CYREN: variants seen among roughly 807,000 people sequenced by gnomAD.
The protein encoded by CYREN is cell cycle regulator of NHEJ.
A neutral mutation model predicts 9.7 loss-of-function variants in CYREN; 7 were observed. The ratio of observed to expected loss-of-function variants is 0.72; its 90% CI spans 0.41 to 1.36. The LOEUF (loss-of-function observed/expected upper bound fraction) is 1.36, where lower values mean the gene tolerates loss of function less well. Among genes scored for constraint, CYREN ranks in the 40% most tolerant of loss-of-function variants. The pLI is 0.01. For synonymous variants in CYREN, 76 were observed against 77.9 expected, an observed-to-expected ratio of 0.98 and a Z score of 0.13; for missense variants, 215 against 198.1, an observed-to-expected ratio of 1.09 and a Z score of -0.51.
At chr7:135,164,575 T>C (rs1830035999), downstream of CYREN, 1 of 1,614,206 alleles carries the variant, frequency 6.2e-7, no homozygotes, top group Non-Finnish European at 8.5e-7. Context: ...CTGCCCAACC[T>C]GAGAATCGGC....
intron 2 of CYREN, among the ~76,000 whole-genome samples, chr7:135,153,347 G>A (rs6978240): frequency 0.48 from 73,389 of 151,336 alleles, 18,162 homozygotes; most frequent in South Asian, 0.66. Flanking sequence ...CTAGCTACTC[G>A]GGAGGCTGAG....
downstream of CYREN, among the ~76,000 whole-genome samples, chr7:135,162,875 G>A (rs112211428): frequency 6.3e-4 from 96 of 152,330 alleles, 4 homozygotes; most frequent in African/African-American, 1.9e-3. Flanking sequence ...AAAACGGAGT[G>A]AAAAGAATTT....
Position 135,167,775 on chromosome 7 carries a change from T to G in CYREN, c.170A>C (p.Asn57Thr), listed in dbSNP as rs1830285339. The change falls in exon 3 of 4, where the codon AAT becomes ACT. Residue 57 changes from asparagine (N) to threonine (T), a missense_variant. Transcript: ENST00000393114. ...AGCAACATCAACTATCTCAGCCTCA[T>G]TCATGCAGTACACAGTCCTTGTCGC... ...LPATRTVYCM[N>T]EAEIVDVALG... is the part of the protein sequence containing the mutation. 6.2e-7 allele frequency: 1 copy of G among 1,614,078 alleles called. No homozygotes were observed.
At chr7:135,093,361 A>C (rs916495886) in exon 3 of CYREN, 18 of 152,124 alleles carry the variant, frequency 1.2e-4, no homozygotes, top group African/African-American at 4.3e-4. Flanking sequence ...TGCAGGATAA[A>C]AGATCAATAG....
intron 2 of CYREN, among the ~76,000 whole-genome samples, chr7:135,106,397 T>C (rs1310327679): frequency 3.3e-5 from 5 of 152,216 alleles, no homozygotes; most frequent in African/African-American, 1.2e-4. Context: ...CCTTCAATAC[T>C]AGTTTATTGA....
At chr7:135,130,890 C>T (rs1667376178) in intron 2 of CYREN, among the ~76,000 whole-genome samples, 1 of 151,888 alleles carries the variant, frequency 6.6e-6, no homozygotes, top group African/African-American at 2.4e-5. Flanking sequence ...AATTGTCTTT[C>T]GTTATCGTTG....
chr7:135,119,926 C>T (rs547273572), intron 2 of CYREN, among the ~76,000 whole-genome samples: 183 of 152,246 alleles, frequency 1.2e-3, no homozygotes, highest in African/African-American at 4.3e-3. Flanking sequence ...TGACACCTTT[C>T]CTACAGAGGA....
At chr7:135,118,754 CA>C (rs1166505043) in intron 2 of CYREN, among the ~76,000 whole-genome samples, 1 of 151,556 alleles carries the variant, frequency 6.6e-6, no homozygotes, top group Non-Finnish European at 1.5e-5. Context: ...TAAAATGCTT[CA>C]AAAAACACTT....
chr7:135,096,689 C>A (rs1333261737), intron 2 of CYREN, among the ~76,000 whole-genome samples: 2 of 112,388 alleles, frequency 1.8e-5, no homozygotes, highest in Admixed American at 9.7e-5. Flanking sequence ...AATAGAACAT[C>A]ACCAAAAAAG....
chr7:135,106,313 A>G (rs1824713222), intron 2 of CYREN, among the ~76,000 whole-genome samples: 1 of 152,184 alleles, frequency 6.6e-6, no homozygotes, highest in South Asian at 2.1e-4. Flanking sequence ...CCAGTATTTA[A>G]GGGGAATGCT....
downstream of CYREN, chr7:135,164,947 C>T: frequency 1.2e-6 from 2 of 1,611,786 alleles, no homozygotes; most frequent in Non-Finnish European, 1.7e-6. Context: ...ATAGCCATGG[C>T]TGTGTTCCCT....
intron 2 of CYREN, among the ~76,000 whole-genome samples, chr7:135,145,515 G>C (rs1829528837): frequency 6.6e-6 from 1 of 152,138 alleles, no homozygotes; most frequent in African/African-American, 2.4e-5. Context: ...AGGTTGGAAG[G>C]GTCTGAAAAG....
intron 2 of CYREN, among the ~76,000 whole-genome samples, chr7:135,107,394 A>C (rs970773125): frequency 5.9e-5 from 9 of 152,214 alleles, no homozygotes; most frequent in Non-Finnish European, 1.2e-4. Flanking sequence ...GCTATGTCCC[A>C]GAGATTCTGG....
chr7:135,096,431 G>GAA (rs1177897069), intron 2 of CYREN, among the ~76,000 whole-genome samples: 7 of 150,766 alleles, frequency 4.6e-5, no homozygotes, highest in African/African-American at 1.5e-4. Context: ...AAGAAAGAAA[G>GAA]AGATATATAT....
rs545614592 is a variant in CYREN, at chr7:135,126,103, G to T, written n.357-31521C>A. 5.9e-5 allele frequency among the ~76,000 whole-genome samples: 9 copies of T among 152,128 alleles called. No individual in the cohort carries two copies. In the South Asian group the frequency reaches 1.7e-3, roughly 28 times the overall value. On this transcript the variant is annotated intron_variant and non_coding_transcript_variant, in intron 2 of 2. Transcript: ENST00000459937. ...CAAACAGGAAGAGAGGAAGTCAAAT[G>T]GTCTCTGTTTGCAGATGACATGATT...
Position 135,166,526 on chromosome 7 carries a change from A to T in CYREN, c.*85T>A. 6.6e-7 allele frequency: 1 copy of T among 1,506,296 alleles called. No individual in the cohort carries two copies. Among genetic ancestry groups the T allele is most frequent in the Non-Finnish European group, 8.8e-7 (1 of 1,134,228 alleles). 93.3% of individuals were successfully genotyped at this position (1,506,296 alleles called of 1,614,324 possible). A position where few individuals can be genotyped will look rare whatever the true frequency, so the allele number is the denominator to read the frequency against. ...TAGGAGCACAGAGAGCCCCATTCCC[A>T]CAGGCGGGCGGCCCAGCAGCACCAG... is the stretch of plus-strand genomic sequence containing the variant. On this transcript the variant is annotated 3_prime_UTR_variant, in exon 4 of 4. Coordinates refer to ENST00000393114, the MANE Select transcript of CYREN (RefSeq NM_024033.4).
chr7:135,139,555 G>C (rs1205785002), intron 2 of CYREN, among the ~76,000 whole-genome samples: 1 of 151,732 alleles, frequency 6.6e-6, no homozygotes, highest in African/African-American at 2.4e-5. Flanking sequence ...TTCTTCTGCT[G>C]TGCAGAAGCT....
In CYREN at chr7:135,165,980, G is replaced by C. The variant is rs1432123555; in HGVS notation, c.*631C>G. The C allele has an allele frequency of 1.3e-5, 2 of 158,876 alleles. No individual in the cohort carries two copies. Among genetic ancestry groups the C allele is most frequent in the African/African-American group, 4.8e-5 (2 of 41,418 alleles). The allele number at this position is 158,876 out of a possible 1,614,324, so 9.8% of individuals were successfully genotyped here. A position where few individuals can be genotyped will look rare whatever the true frequency, so the allele number is the denominator to read the frequency against. On this transcript the variant is annotated 3_prime_UTR_variant, in exon 4 of 4. Transcript: ENST00000393114. Reference sequence around the variant, plus strand: ...TTATAGCTAGCTGCCCGGGGACCAAGGTACAGGTGAAAGCAAGGTAGCAGC... The same window carrying C: ...TTATAGCTAGCTGCCCGGGGACCAACGTACAGGTGAAAGCAAGGTAGCAGC...
At chr7:135,114,169 A>G (rs1024924769) in intron 2 of CYREN, among the ~76,000 whole-genome samples, 3 of 152,218 alleles carry the variant, frequency 2.0e-5, no homozygotes, top group Non-Finnish European at 2.9e-5. Flanking sequence ...GAATGTATCT[A>G]TGTCTCTTTG....
Sources: gnomAD v4.1 joint callset for allele counts (sites outside exome capture counted in the v4.1 genomes callset) on GRCh38, gnomAD v4.1.1 for gene constraint, MANE v1.5 for transcripts, NCBI Gene and HGNC (gene_info 2026-07-23, HGNC 2026-07-21) for gene names.